The following CDH4 variants were observed in gnomAD, a reference collection of about 807,000 sequenced individuals.
CDH4 encodes cadherin-4.
In CDH4, 33 loss-of-function variants were observed where a neutral mutation model predicts 86.0. The ratio of observed to expected loss-of-function variants is 0.38; its 90% confidence interval spans 0.29 to 0.51. The LOEUF is 0.51. CDH4 is among the 20% of genes least tolerant of loss of function. The pLI is 0.86. For missense variants in CDH4, 1,114 were observed against 1,307.4 expected, an observed-to-expected ratio of 0.85 and a Z score of 2.28; for synonymous variants, 555 against 549.4, an observed-to-expected ratio of 1.01 and a Z score of -0.14.
At chr20:61,554,177 T>C (rs2086156795) in intron 2 of CDH4, among the ~76,000 whole-genome samples, 1 of 152,200 alleles carries the variant, frequency 6.6e-6, no homozygotes, top group Non-Finnish European at 1.5e-5. Context: ...CAGCACTAGG[T>C]CCATTTCTTT....
intron 2 of CDH4, among the ~76,000 whole-genome samples, chr20:61,275,195 TG>T (rs34135401): frequency 8.0e-6 from 1 of 124,334 alleles, no homozygotes; most frequent in Admixed American, 9.3e-5. Flanking sequence ...ATGTGCAGTT[TG>T]GGGGAGTACT....
intron 2 of CDH4, among the ~76,000 whole-genome samples, chr20:61,325,769 G>A (rs2084533813): frequency 6.6e-6 from 1 of 152,148 alleles, no homozygotes; most frequent in Non-Finnish European, 1.5e-5. Flanking sequence ...TGTCTGTAAA[G>A]AGTTCCATGG....
chr20:61,274,570 A>ACAGCTTGGGGGAGTACTGTGTG (rs1479941514), intron 2 of CDH4, among the ~76,000 whole-genome samples: 1 of 138,488 alleles, frequency 7.2e-6, no homozygotes, highest in African/African-American at 2.8e-5. Context: ...AGTACCGTGC[A>ACAGCTTGGGGGAGTACTGTGTG]CAGCTTGGGG....
intron 15 of CDH4, among the ~76,000 whole-genome samples, chr20:61,935,119 G>C (rs1420607766): frequency 1.3e-5 from 2 of 152,186 alleles, no homozygotes. Flanking sequence ...AGGGATCACG[G>C]TGTCCTCCGT....
chr20:61,709,625 G>C lies in CDH4; in HGVS notation c.170-33938G>C, dbSNP rs2087868611. Among the ~76,000 whole-genome samples the C allele has an allele frequency of 6.6e-6, 1 of 151,796 alleles. No homozygotes were observed. The highest frequency in any genetic ancestry group is 6.6e-5 in the Admixed American group (1 of 15,242). On this transcript the variant is annotated intron_variant, in intron 2 of 15. Transcript: ENST00000614565. This position sits in a 1 kb window ranked among gnomAD's most constrained non-coding sequence, Gnocchi z 4.8. ...TTTTATCGCTGGCTAATCACAGAGT[G>C]AGCAGAGGTGCATGGCAGAGAAGGT...
At chr20:61,860,978 T>G (rs1257437250) in intron 6 of CDH4, among the ~76,000 whole-genome samples, 3 of 152,142 alleles carry the variant, frequency 2.0e-5, no homozygotes, top group Non-Finnish European at 4.4e-5. Flanking sequence ...AGGGTGCCTT[T>G]GGGTCTAAAA....
rs145985227 is a variant in CDH4 at position 61,491,794 on chromosome 20, G to A, written c.169+236857G>A. ...TCTTGATGTTGATGCTGATGTAATG[G>A]TGTTGATGTTGGTGGTGCCATTGTT... On this transcript the variant is annotated intron_variant, in intron 2 of 15. Transcript: ENST00000614565. Among the ~76,000 whole-genome samples the A allele has an allele frequency of 5.1e-4, 78 of 152,300 alleles. No individual in the cohort carries two copies. The East Asian group carries it at 0.013, about 26-fold the overall frequency.
intron 7 of CDH4, among the ~76,000 whole-genome samples, chr20:61,877,997 G>A (rs1568863031): frequency 1.3e-5 from 2 of 152,046 alleles, no homozygotes; most frequent in Non-Finnish European, 2.9e-5. Flanking sequence ...AGGAACCACG[G>A]GGGCCCCAGA....
At chr20:61,934,966 G>A (rs1049768217) in intron 15 of CDH4, among the ~76,000 whole-genome samples, 1 of 152,244 alleles carries the variant, frequency 6.6e-6, no homozygotes, top group African/African-American at 2.4e-5. Context: ...CCAACGCGCA[G>A]CTCCCTGTCT....
chr20:61,799,343 T>C (rs17749002), intron 4 of CDH4, among the ~76,000 whole-genome samples: 1 of 152,198 alleles, frequency 6.6e-6, no homozygotes, highest in Admixed American at 6.5e-5. Context: ...CTTCATAATA[T>C]AAGAGGATTA....
chr20:61,332,262 G>A (rs1239119954), intron 2 of CDH4, among the ~76,000 whole-genome samples: 3 of 152,220 alleles, frequency 2.0e-5, no homozygotes, highest in African/African-American at 4.8e-5. Flanking sequence ...GAGCGGTGAC[G>A]GGTTTCCTTC....
At chr20:61,387,529 CAG>C (rs1346879244) in intron 2 of CDH4, among the ~76,000 whole-genome samples, 6 of 151,770 alleles carry the variant, frequency 4.0e-5, no homozygotes, top group Non-Finnish European at 5.9e-5. Context: ...GCCACACAAA[CAG>C]AAACACACAG....
At chr20:61,861,252 G>C (rs1411415902) in intron 6 of CDH4, among the ~76,000 whole-genome samples, 4 of 152,174 alleles carry the variant, frequency 2.6e-5, no homozygotes, top group Non-Finnish European at 4.4e-5. Context: ...CTGAAGATGC[G>C]ATCATGCGGT....
chr20:61,473,133 A>G (rs1207689569), intron 2 of CDH4, among the ~76,000 whole-genome samples: 1 of 152,220 alleles, frequency 6.6e-6, no homozygotes, highest in African/African-American at 2.4e-5. Context: ...TTGGGAAGAG[A>G]TGAAAATAGC....
intron 7 of CDH4, among the ~76,000 whole-genome samples, 169 bp from the exon 8 acceptor site, chr20:61,894,741 G>A (rs1208367934): frequency 6.6e-6 from 1 of 152,232 alleles, no homozygotes; most frequent in Non-Finnish European, 1.5e-5. Context: ...GACAGGCAGT[G>A]TCAACCAGGA....
At chr20:61,731,516 C>G (rs1412085864) in intron 2 of CDH4, among the ~76,000 whole-genome samples, 1 of 152,196 alleles carries the variant, frequency 6.6e-6, no homozygotes, top group African/African-American at 2.4e-5. Flanking sequence ...CAGGTCCCCC[C>G]CAGGTGGGGT....
At chr20:61,340,969 A>T (rs925986950) in intron 2 of CDH4, among the ~76,000 whole-genome samples, 80 of 152,346 alleles carry the variant, frequency 5.3e-4, no homozygotes, top group African/African-American at 1.9e-3. Context: ...TCTGCCAAGC[A>T]ACAGAAAGCA....
intron 2 of CDH4, among the ~76,000 whole-genome samples, chr20:61,410,558 G>A (rs1040060983): frequency 6.9e-6 from 1 of 144,764 alleles, no homozygotes; most frequent in African/African-American, 2.6e-5. Context: ...CCTCTCACTG[G>A]TCCATCTATC....
intron 2 of CDH4, among the ~76,000 whole-genome samples, chr20:61,576,527 A>G (rs1250792119): frequency 6.6e-6 from 1 of 152,128 alleles, no homozygotes; most frequent in Non-Finnish European, 1.5e-5. Flanking sequence ...GCTGGCAAAA[A>G]TATGTCTGTA....
Sources: allele counts gnomAD v4.1 joint callset (sites outside exome capture counted in the v4.1 genomes callset), GRCh38; gene constraint gnomAD v4.1.1; non-coding constraint Gnocchi (gnomAD v3.1); transcripts MANE v1.5; gene names NCBI Gene and HGNC (gene_info 2026-07-23, HGNC 2026-07-21).